The following SORCS3 variants were observed in gnomAD, a reference collection of about 807,000 sequenced individuals.
The protein encoded by SORCS3 is VPS10 domain-containing receptor SorCS3.
SORCS3 carries 57 observed loss-of-function variants against 146.3 expected under a neutral mutation model. The ratio of observed to expected loss-of-function variants is 0.39; its 90% CI spans 0.31 to 0.49. SORCS3 has a LOEUF of 0.49. Among genes scored for constraint, SORCS3 ranks in the 20% least tolerant of loss-of-function variants. The pLI is 0.92. For missense variants in SORCS3, 1,341 were observed against 1,575.5 expected, an observed-to-expected ratio of 0.85 and a Z score of 2.52; for synonymous variants, 653 against 618.5, an observed-to-expected ratio of 1.06 and a Z score of -0.83.
At chr10:104,913,536 G>T (rs748137873) in intron 2 of SORCS3, among the ~76,000 whole-genome samples, 2 of 152,070 alleles carry the variant, frequency 1.3e-5, no homozygotes, top group African/African-American at 2.4e-5. Flanking sequence ...GCCTAGGGAG[G>T]GGTTTGAAAT....
chr10:105,057,195 G>A (rs2055451232), intron 5 of SORCS3, among the ~76,000 whole-genome samples: 1 of 152,144 alleles, frequency 6.6e-6, no homozygotes, highest in South Asian at 2.1e-4. Flanking sequence ...GGCTTGGGAT[G>A]CTTAGTGATC....
At chr10:105,062,363 G>A (rs1336257843) in intron 5 of SORCS3, among the ~76,000 whole-genome samples, 2 of 152,138 alleles carry the variant, frequency 1.3e-5, no homozygotes, top group East Asian at 1.9e-4. Flanking sequence ...TGAAAAAACG[G>A]TATTCTAATA....
intron 7 of SORCS3, among the ~76,000 whole-genome samples, chr10:105,120,759 A>G (rs1023205943): frequency 2.0e-5 from 3 of 152,220 alleles, no homozygotes; most frequent in African/African-American, 7.2e-5. Context: ...TGCCTTTATA[A>G]TAAAATATGA....
chr10:104,805,497 G>A (rs912817699), intron 1 of SORCS3, among the ~76,000 whole-genome samples: 17 of 152,306 alleles, frequency 1.1e-4, no homozygotes, highest in African/African-American at 3.6e-4. Context: ...GTGGGTTGGA[G>A]TCAATTTCAT....
chr10:104,655,733 C>A (rs1298938242), intron 1 of SORCS3, among the ~76,000 whole-genome samples: 1 of 152,060 alleles, frequency 6.6e-6, no homozygotes, highest in African/African-American at 2.4e-5. Context: ...TGAGTGAGTT[C>A]TCATAAGATC....
At chr10:104,905,168 G>A (rs2018892765) in intron 2 of SORCS3, among the ~76,000 whole-genome samples, 1 of 152,144 alleles carries the variant, frequency 6.6e-6, no homozygotes, top group South Asian at 2.1e-4. Context: ...TAAATGATGT[G>A]CATGTAACAC....
At chr10:104,979,954 A>C (rs537710743) in intron 4 of SORCS3, among the ~76,000 whole-genome samples, 84 of 152,332 alleles carry the variant, frequency 5.5e-4, no homozygotes, top group Admixed American at 1.6e-3. Context: ...AAGCTGGGTT[A>C]GAGGCAACAG....
At chr10:104,903,727 G>A (rs1207235655) in intron 2 of SORCS3, among the ~76,000 whole-genome samples, 3 of 152,092 alleles carry the variant, frequency 2.0e-5, no homozygotes, top group African/African-American at 2.4e-5. Context: ...ATAATAAAAT[G>A]TTATCTGCTT....
intron 20 of SORCS3, among the ~76,000 whole-genome samples, chr10:105,238,116 G>A (rs1038884517): frequency 6.6e-6 from 1 of 152,200 alleles, no homozygotes; most frequent in Non-Finnish European, 1.5e-5. Flanking sequence ...TAAGCAAACA[G>A]GAAAGAGCAA....
chr10:105,177,782 A>C (rs1057108838), intron 13 of SORCS3, among the ~76,000 whole-genome samples: 1 of 152,090 alleles, frequency 6.6e-6, no homozygotes, highest in African/African-American at 2.4e-5. Flanking sequence ...GAGTACTTGA[A>C]ACGTGACATT....
intron 3 of SORCS3, among the ~76,000 whole-genome samples, chr10:104,961,236 A>G (rs903640246): frequency 2.0e-5 from 3 of 152,044 alleles, no homozygotes; most frequent in African/African-American, 7.2e-5. Context: ...TCTTGATTTA[A>G]CTCGTTAGAT....
At position 104,971,816 on chromosome 10, in the gene SORCS3, G is replaced by A. The variant is rs555217975; in HGVS notation, c.796-5519G>A. Among the ~76,000 whole-genome samples the A allele has an allele frequency of 2.6e-5, 4 of 152,268 alleles. No homozygotes were observed. In the East Asian group the frequency reaches 5.8e-4, roughly 22 times the overall value. On this transcript the variant is annotated intron_variant, in intron 3 of 26. Coordinates refer to ENST00000369701, the MANE Select transcript of SORCS3 (RefSeq NM_014978.3). ...AGAAAATTGAGTATCCAAATGAAAT[G>A]AAATGAAAAGGAAAAATAGATGAAC...
chr10:104,933,648 G>T (rs2019231354), intron 3 of SORCS3, among the ~76,000 whole-genome samples: 2 of 152,132 alleles, frequency 1.3e-5, no homozygotes, highest in South Asian at 4.2e-4. Context: ...GCCTTATAAG[G>T]TTCATTTGAG....
chr10:104,661,137 A>G (rs926534532), intron 1 of SORCS3, among the ~76,000 whole-genome samples: 4 of 152,196 alleles, frequency 2.6e-5, no homozygotes, highest in Non-Finnish European at 5.9e-5. Context: ...CAATTAAATT[A>G]TCTTCTTCAG....
At chr10:104,936,825 G>C (rs1288415373) in intron 3 of SORCS3, among the ~76,000 whole-genome samples, 1 of 152,158 alleles carries the variant, frequency 6.6e-6, no homozygotes, top group Non-Finnish European at 1.5e-5. Context: ...CCAGGTACAG[G>C]GATCACCAAA....
chr10:104,800,130 C>A (rs199777436), intron 1 of SORCS3, among the ~76,000 whole-genome samples: 3 of 151,870 alleles, frequency 2.0e-5, no homozygotes, highest in African/African-American at 7.3e-5. Context: ...TACATCCAGA[C>A]GATGGAAGCC....
intron 2 of SORCS3, among the ~76,000 whole-genome samples, chr10:104,872,194 A>G (rs1205989408): frequency 6.6e-6 from 1 of 152,210 alleles, no homozygotes; most frequent in African/African-American, 2.4e-5. Context: ...GCATGTAATC[A>G]TAATTGGGAA....
intron 16 of SORCS3, among the ~76,000 whole-genome samples, chr10:105,201,881 C>G (rs998377394): frequency 1.3e-5 from 2 of 152,180 alleles, no homozygotes; most frequent in East Asian, 3.9e-4. Context: ...CAAAGCTTTT[C>G]TTGAATCCCC....
At chr10:104,922,156 C>T (rs2019093740) in intron 3 of SORCS3, among the ~76,000 whole-genome samples, 1 of 152,140 alleles carries the variant, frequency 6.6e-6, no homozygotes, top group Non-Finnish European at 1.5e-5. Context: ...AAACCTTTAA[C>T]CAAAACATAG....
Sources: allele counts gnomAD v4.1 joint callset (sites outside exome capture counted in the v4.1 genomes callset), GRCh38; gene constraint gnomAD v4.1.1; transcripts MANE v1.5; gene names NCBI Gene and HGNC (gene_info 2026-07-23, HGNC 2026-07-21).